The following MTUS2 variants were observed in gnomAD, a reference collection of about 807,000 sequenced individuals.
MTUS2 encodes the protein microtubule associated scaffold protein 2, also known as microtubule-associated tumor suppressor candidate 2.
MTUS2 carries 40 observed loss-of-function variants against 114.1 expected under a neutral mutation model. That is an observed-to-expected ratio of 0.35 (90% CI 0.27 to 0.46). The LOEUF (loss-of-function observed/expected upper bound fraction) is 0.46. Ranked by LOEUF, MTUS2 falls within the 20% of genes least tolerant of loss-of-function variation. MTUS2 has a pLI of 1.00. For missense variants in MTUS2, 1,679 were observed against 1,705.4 expected (o/e 0.98, Z 0.27); for synonymous variants, 688 against 672.0 (o/e 1.02, Z -0.37).
intron 6 of MTUS2, chr13:29,307,634 TC>T: frequency 8.6e-7 from 1 of 1,167,224 alleles, no homozygotes; most frequent in Non-Finnish European, 1.3e-6. Context: ...TCCTCTGACT[TC>T]AACAGCGACA....
chr13:29,321,910 T>C (rs1202393582), intron 6 of MTUS2, among the ~76,000 whole-genome samples: 1 of 152,210 alleles, frequency 6.6e-6, no homozygotes, highest in Non-Finnish European at 1.5e-5. Context: ...AGCTTTTTAA[T>C]TTATCATGGG....
intron 6 of MTUS2, among the ~76,000 whole-genome samples, chr13:29,323,452 G>A (rs371478768): frequency 9.9e-5 from 15 of 152,112 alleles, no homozygotes; most frequent in South Asian, 2.1e-4. Context: ...GGGTTTCACC[G>A]TGTTAGCCAG....
chr13:29,009,600 G>T (rs1340146151), intron 2 of MTUS2, among the ~76,000 whole-genome samples: 2 of 152,092 alleles, frequency 1.3e-5, no homozygotes, highest in African/African-American at 4.8e-5. Flanking sequence ...TAACATGAGA[G>T]AAGTTTTTGG....
At chr13:29,371,258 C>G (rs1340820825) in intron 8 of MTUS2, among the ~76,000 whole-genome samples, 3 of 145,608 alleles carry the variant, frequency 2.1e-5, no homozygotes, top group Non-Finnish European at 4.5e-5. Flanking sequence ...CGCTCTCTTG[C>G]CCAGGCTGGA....
intron 7 of MTUS2, among the ~76,000 whole-genome samples, chr13:29,332,267 T>A (rs1254040863): frequency 2.0e-5 from 3 of 152,162 alleles, no homozygotes; most frequent in Non-Finnish European, 4.4e-5. Context: ...GGGATTCGAC[T>A]TCTTCCTGGT....
chr13:29,335,821 A>C (rs1213082564), intron 7 of MTUS2, among the ~76,000 whole-genome samples: 1 of 152,232 alleles, frequency 6.6e-6, no homozygotes, highest in Non-Finnish European at 1.5e-5. Flanking sequence ...ACTTTCAGGT[A>C]CAGTCAAACA....
At chr13:28,965,261 AGGGGAAACTGCGT>A (rs1446212757) in intron 2 of MTUS2, among the ~76,000 whole-genome samples, 1 of 152,222 alleles carries the variant, frequency 6.6e-6, no homozygotes, top group Non-Finnish European at 1.5e-5. Flanking sequence ...ATTCAACACA[AGGGGAAACTGCGT>A]GGAAACAAGT....
intron 6 of MTUS2, among the ~76,000 whole-genome samples, chr13:29,283,336 GT>G (rs918737979): frequency 6.6e-6 from 1 of 152,178 alleles, no homozygotes; most frequent in Non-Finnish European, 1.5e-5. Flanking sequence ...GACTGTGTCT[GT>G]TTTAACACAG....
chr13:29,337,955 A>ATTT (rs34068964), intron 7 of MTUS2, among the ~76,000 whole-genome samples: 10,556 of 143,350 alleles, frequency 0.074, 1,272 homozygotes, highest in African/African-American at 0.25. Flanking sequence ...TGCCCTGCTA[A>ATTT]TTTTTTTTTT....
At chr13:29,002,600 G>A (rs1885432772) in intron 2 of MTUS2, among the ~76,000 whole-genome samples, 1 of 152,112 alleles carries the variant, frequency 6.6e-6, no homozygotes, top group African/African-American at 2.4e-5. Flanking sequence ...GAGATGCAAG[G>A]GCTTTCATAC....
intron 8 of MTUS2, among the ~76,000 whole-genome samples, chr13:29,373,414 C>G (rs1359675472): frequency 6.6e-6 from 1 of 152,126 alleles, no homozygotes; most frequent in East Asian, 1.9e-4. Context: ...GGCTCGAGGA[C>G]TAACAAGGGG....
At chr13:29,123,553 C>G (rs1272434670) in intron 5 of MTUS2, among the ~76,000 whole-genome samples, 2 of 152,082 alleles carry the variant, frequency 1.3e-5, no homozygotes, top group East Asian at 1.9e-4. Flanking sequence ...CTTGTCTCTA[C>G]TAAAAATACA....
intron 6 of MTUS2, among the ~76,000 whole-genome samples, chr13:29,322,103 A>G (rs1900278936): frequency 6.6e-6 from 1 of 152,234 alleles, no homozygotes; most frequent in Non-Finnish European, 1.5e-5. Flanking sequence ...CAGGGTCAAA[A>G]CTATCAATAT....
At chr13:29,198,606 A>G (rs1894802194) in intron 5 of MTUS2, among the ~76,000 whole-genome samples, 1 of 152,192 alleles carries the variant, frequency 6.6e-6, no homozygotes, top group African/African-American at 2.4e-5. Flanking sequence ...TTCTGTGAAG[A>G]AAGTCAATGG....
chr13:28,904,868 G>T (rs1879885620), intron 2 of MTUS2, among the ~76,000 whole-genome samples: 1 of 151,798 alleles, frequency 6.6e-6, no homozygotes, highest in Non-Finnish European at 1.5e-5. Flanking sequence ...TCATGATATT[G>T]ATTCTTCCTA....
At chr13:28,874,598 G>T (rs1162517247) in intron 2 of MTUS2, among the ~76,000 whole-genome samples, 2 of 152,160 alleles carry the variant, frequency 1.3e-5, no homozygotes, top group Non-Finnish European at 2.9e-5. Flanking sequence ...CTGTGGGGCT[G>T]CTTGAGGGTC....
At chr13:29,216,251 TC>T (rs1252952820) in intron 5 of MTUS2, among the ~76,000 whole-genome samples, 3 of 152,146 alleles carry the variant, frequency 2.0e-5, no homozygotes, top group Non-Finnish European at 4.4e-5. Flanking sequence ...GTGTCCCAGG[TC>T]GATTCAGAGT....
At chr13:28,981,652 T>C (rs1050280158) in intron 2 of MTUS2, among the ~76,000 whole-genome samples, 2 of 152,216 alleles carry the variant, frequency 1.3e-5, no homozygotes, top group African/African-American at 4.8e-5. Flanking sequence ...TCTTGCCTGG[T>C]CTGGCTTCTC....
At chr13:29,258,872 T>C (rs1897368124) in intron 5 of MTUS2, among the ~76,000 whole-genome samples, 1 of 152,192 alleles carries the variant, frequency 6.6e-6, no homozygotes, top group African/African-American at 2.4e-5. Context: ...CCCACTGACC[T>C]ACCTGGGGCC....
Sources: allele counts gnomAD v4.1 joint callset (sites outside exome capture counted in the v4.1 genomes callset), GRCh38; gene constraint gnomAD v4.1.1; transcripts MANE v1.5; gene names NCBI Gene and HGNC (gene_info 2026-07-23, HGNC 2026-07-21).